PDZK1: variants seen among roughly 807,000 people sequenced by gnomAD.
PDZK1 encodes Na(+)/H(+) exchange regulatory cofactor NHE-RF3.
PDZK1 carries 23 observed loss-of-function variants against 38.1 expected under a neutral mutation model. That is an observed-to-expected ratio of 0.60 (90% CI 0.43 to 0.85). The LOEUF is 0.85. PDZK1 is among the 40% of genes least tolerant of loss of function. The pLI, the probability that PDZK1 is intolerant of heterozygous loss-of-function variation, is 0.00. For missense variants in PDZK1, 297 were observed against 504.3 expected, an observed-to-expected ratio of 0.59 and a Z score of 3.94; for synonymous variants, 98 against 186.2, an observed-to-expected ratio of 0.53 and a Z score of 3.86.
rs60510308 is a variant in PDZK1, at chr1:145,694,730, C to G, written c.-2-6707G>C. 5.1e-3 allele frequency among the ~76,000 whole-genome samples: 774 copies of G among 151,610 alleles called. 9 individuals carry two copies. The highest frequency in any genetic ancestry group is 0.018 in the African/African-American group (732 of 41,352). On this transcript the variant is annotated intron_variant, in intron 1 of 8. Coordinates refer to ENST00000417171, the MANE Select transcript of PDZK1 (RefSeq NM_001201325.2). ...TGGCCAACATGGTGAAACCCTGTCT[C>G]TACTAAAAATACAAAAATTAGCCAG... is the stretch of plus-strand genomic sequence containing the variant.
intron 1 of PDZK1, among the ~76,000 whole-genome samples, chr1:145,700,504 G>A (rs1655897851): frequency 6.6e-6 from 1 of 152,176 alleles, no homozygotes; most frequent in Non-Finnish European, 1.5e-5. Flanking sequence ...CTGGCCCAGA[G>A]AGGGACCTTC....
rs942177820 is a variant in PDZK1, at chr1:145,687,865, C to A, written c.157G>T (p.Asp53Tyr). The part of the protein sequence containing the change: ...PAEKAGLQDG[D>Y]RVLRINGVFV... ...ACACCATTGATCCTAAGAACTCTGT[C>A]TCCATCTTGAAGGCCAGCCTTCTCT... Residue 53 changes from aspartate (D) to tyrosine (Y), a missense_variant, in exon 2 of 9, where the codon GAC becomes TAC. Transcript: ENST00000417171. The A allele has an allele frequency of 3.1e-6, 5 of 1,614,104 alleles. No homozygotes were observed. Among genetic ancestry groups the A allele is most frequent in the Non-Finnish European group, 4.2e-6 (5 of 1,180,004 alleles).
intron 1 of PDZK1, among the ~76,000 whole-genome samples, chr1:145,696,719 C>CT (rs1225814902): frequency 2.6e-5 from 4 of 152,220 alleles, no homozygotes; most frequent in African/African-American, 9.7e-5. Context: ...CTGAGGAATG[C>CT]TGCCCACCCA....
At chr1:145,693,305 T>C (rs1205139116) in intron 1 of PDZK1, among the ~76,000 whole-genome samples, 2 of 152,184 alleles carry the variant, frequency 1.3e-5, no homozygotes, top group African/African-American at 4.8e-5. Flanking sequence ...AAACTCTCTA[T>C]GGCACATTAT....
At chr1:145,674,481 C>CT (rs1366702828) in intron 6 of PDZK1, among the ~76,000 whole-genome samples, 1 of 152,186 alleles carries the variant, frequency 6.6e-6, no homozygotes, top group African/African-American at 2.4e-5. Flanking sequence ...GCATGCGAGT[C>CT]TGAGTGAACT....
chr1:145,671,697 G>C (rs1571563237), intron 8 of PDZK1: 2 of 550,720 alleles, frequency 3.6e-6, no homozygotes, highest in African/African-American at 3.9e-5. Context: ...AGAAGAGCCT[G>C]AATCAGATGA....
At chr1:145,689,968 C>A (rs879973236) in intron 1 of PDZK1, among the ~76,000 whole-genome samples, 2 of 152,138 alleles carry the variant, frequency 1.3e-5, no homozygotes, top group Admixed American at 6.5e-5. Context: ...ACCAGTGGCA[C>A]GAGTGACTAA....
intron 3 of PDZK1, among the ~76,000 whole-genome samples, chr1:145,683,471 G>A (rs1349924820): frequency 1.3e-5 from 2 of 152,212 alleles, no homozygotes; most frequent in African/African-American, 2.4e-5. Context: ...ATGCTGTGGA[G>A]TCATCTCACC....
chr1:145,693,905 C>T (rs1016734906), intron 1 of PDZK1, among the ~76,000 whole-genome samples: 8 of 152,098 alleles, frequency 5.3e-5, no homozygotes, highest in Non-Finnish European at 1.2e-4. Context: ...CTGGGCTCAC[C>T]TTTATCCAAC....
chr1:145,688,490 A>C (rs1553702436), intron 1 of PDZK1, among the ~76,000 whole-genome samples: 1 of 152,076 alleles, frequency 6.6e-6, no homozygotes, highest in Admixed American at 6.6e-5. Flanking sequence ...CTATAACCAC[A>C]CGTGGTGAGT....
rs1553701749 is a variant in PDZK1 at position 145,686,505 on chromosome 1, G to A, written c.432C>T (p.Ser144=). Residue 144 remains serine (S), a synonymous_variant, in exon 3 of 9, where the codon AGC becomes AGT. Transcript: ENST00000417171. ...RLCYLVKEGG[S]YGFSLKTVQG... is the part of the protein sequence containing the mutation. ...GGACAGTTTTCAGAGAGAAGCCATA[G>A]CTGCCTCCTTCCTTCACGAGATAGC... is the stretch of plus-strand genomic sequence containing the variant. 3 of 1,611,992 alleles carry A rather than the reference G, an allele frequency of 1.9e-6. No individual in the cohort carries two copies. Among genetic ancestry groups the A allele is most frequent in the Non-Finnish European group, 2.5e-6 (3 of 1,179,868 alleles).
At chr1:145,694,277 A>G (rs1655485815) in intron 1 of PDZK1, among the ~76,000 whole-genome samples, 1 of 152,168 alleles carries the variant, frequency 6.6e-6, no homozygotes, top group South Asian at 2.1e-4. Flanking sequence ...CATCCCGTGA[A>G]CCCTGGAGGA....
chr1:145,674,861 T>C (rs1444806645), intron 6 of PDZK1, among the ~76,000 whole-genome samples: 1 of 152,128 alleles, frequency 6.6e-6, no homozygotes, highest in Non-Finnish European at 1.5e-5. Context: ...AGAATGTTAA[T>C]ATAACACTAT....
In PDZK1 at chr1:145,674,067, G is replaced by A. The variant is rs1280392720; in HGVS notation, c.991-186C>T. 20 of 713,580 alleles carry A rather than the reference G, an allele frequency of 2.8e-5. 1 individual carries two copies. The East Asian group carries it at 1.5e-3, about 52-fold the overall frequency. The allele number at this position is 713,580 out of a possible 1,614,324, so 44.2% of individuals were successfully genotyped here. A position where few individuals can be genotyped will look rare whatever the true frequency, so the allele number is the denominator to read the frequency against. ...AAGGTATAAAAGAAGACTGTGCTTC[G>A]TTATGGAGTAATATGTGTATACATG... is the stretch of plus-strand genomic sequence containing the variant. On this transcript the variant is annotated intron_variant, in intron 6 of 8. Transcript: ENST00000417171.
intron 1 of PDZK1, among the ~76,000 whole-genome samples, chr1:145,690,204 C>T (rs1655125909): frequency 6.6e-6 from 1 of 152,084 alleles, no homozygotes; most frequent in African/African-American, 2.4e-5. Flanking sequence ...GTGGCCCATT[C>T]CAGCTCCCTC....
At chr1:145,671,865 TGACAACTAA>T (rs1248043180) in intron 8 of PDZK1, among the ~76,000 whole-genome samples, 17 of 150,252 alleles carry the variant, frequency 1.1e-4, no homozygotes, top group Non-Finnish European at 1.3e-4. Context: ...AATTTTTAAA[TGACAACTAA>T]TACAACTAAT....
intron 5 of PDZK1, among the ~76,000 whole-genome samples, chr1:145,679,680 C>T (rs1418076316): frequency 1.3e-5 from 2 of 152,118 alleles, no homozygotes; most frequent in Admixed American, 1.3e-4. Flanking sequence ...GTATCTTCTC[C>T]AAGCCCTCAA....
intron 1 of PDZK1, among the ~76,000 whole-genome samples, chr1:145,688,758 A>G (rs1553702512): frequency 6.6e-6 from 1 of 152,144 alleles, no homozygotes; most frequent in Admixed American, 6.6e-5. Context: ...CAGGAGTTTG[A>G]GACCAGCCTG....
At chr1:145,681,337 C>T (rs587743327) in intron 4 of PDZK1, among the ~76,000 whole-genome samples, 6 of 145,870 alleles carry the variant, frequency 4.1e-5, no homozygotes, top group Non-Finnish European at 9.0e-5. Context: ...GGCTGGAGTG[C>T]AGTGGCACTA....
Sources: gnomAD v4.1 joint callset for allele counts (sites outside exome capture counted in the v4.1 genomes callset) on GRCh38, gnomAD v4.1.1 for gene constraint, MANE v1.5 for transcripts, NCBI Gene and HGNC (gene_info 2026-07-23, HGNC 2026-07-21) for gene names.